The following THADA variants were observed in gnomAD, a reference collection of about 807,000 sequenced individuals.
THADA encodes the protein tRNA (32-2'-O)-methyltransferase regulator THADA.
THADA carries 213 observed loss-of-function variants against 219.8 expected under a neutral mutation model. That is an observed-to-expected ratio of 0.97 (90% CI 0.87 to 1.09). The LOEUF (loss-of-function observed/expected upper bound fraction) is 1.09, where lower values mean the gene tolerates loss of function less well. Among genes scored for constraint, THADA ranks in the 50% least tolerant of loss-of-function variants. THADA has a pLI of 0.00. For missense variants in THADA, 2,956 were observed against 2,311.3 expected, an observed-to-expected ratio of 1.28 and a Z score of -5.72; for synonymous variants, 1,018 against 828.9, an observed-to-expected ratio of 1.23 and a Z score of -3.92.
chr2:43,232,204 A>T (rs564478745), intron 37 of THADA, among the ~76,000 whole-genome samples: 1 of 147,260 alleles, frequency 6.8e-6, no homozygotes, highest in Non-Finnish European at 1.5e-5. Context: ...TTTGAGATGG[A>T]GTCTTGCTCT....
chr2:43,516,686 A>T lies in THADA; in HGVS notation c.3375-7906T>A, dbSNP rs944161405. Among the ~76,000 whole-genome samples, 3 of 152,198 alleles carry T rather than the reference A, an allele frequency of 2.0e-5. No homozygotes were observed. In the East Asian group the frequency reaches 5.8e-4, roughly 29 times the overall value. The stretch of plus-strand genomic sequence containing the variant: ...CGTGGCAGAGGGAGAATTAAAATGT[A>T]TATTGACACCAAAGCCCTTGCCTAA... On this transcript the variant is annotated intron_variant, in intron 22 of 37. Transcript: ENST00000405975.
chr2:43,430,395 T>G, intron 26 of THADA, 93 bp from the exon 27 acceptor site: 1 of 648,648 alleles, frequency 1.5e-6, no homozygotes, highest in South Asian at 2.2e-5. Flanking sequence ...TAAGTACGGT[T>G]GTTTGGATAT....
At chr2:43,318,103 G>A (rs1265351938) in intron 31 of THADA, among the ~76,000 whole-genome samples, 1 of 152,078 alleles carries the variant, frequency 6.6e-6, no homozygotes, top group Non-Finnish European at 1.5e-5. Context: ...GCAATGGCAT[G>A]ATCATAGCTC....
chr2:43,320,916 G>A (rs1678632227), intron 30 of THADA, among the ~76,000 whole-genome samples: 1 of 151,708 alleles, frequency 6.6e-6, no homozygotes, highest in Non-Finnish European at 1.5e-5. Flanking sequence ...GAAATTTGGG[G>A]GAAAAAAAAT....
In THADA at chr2:43,449,388, G is replaced by C. The variant is rs541925340; in HGVS notation, c.3837-19086C>G. On this transcript the variant is annotated intron_variant, in intron 26 of 37. Transcript: ENST00000405975. ...TAGAAGGAGAAGAGAGAGAGAGAAAGAGGTAAAGAGATTATCTAAAGAAAT... is the reference window on the plus strand; with the variant it reads ...TAGAAGGAGAAGAGAGAGAGAGAAACAGGTAAAGAGATTATCTAAAGAAAT... Among the ~76,000 whole-genome samples, 13 of 152,112 alleles carry C rather than the reference G, an allele frequency of 8.5e-5. No individual in the cohort carries two copies. The East Asian group carries it at 2.3e-3, about 27-fold the overall frequency.
chr2:43,297,742 CCCGGCCAGCCGCCCCGT>C (rs1675686493), intron 31 of THADA, among the ~76,000 whole-genome samples: 2 of 126,024 alleles, frequency 1.6e-5, no homozygotes, highest in Non-Finnish European at 3.4e-5. Flanking sequence ...CGGCCCCCCG[CCCGGCCAGCCGCCCCGT>C]CCGGGAGGGA....
At chr2:43,558,569 G>T (rs932363302) in intron 16 of THADA, among the ~76,000 whole-genome samples, 2 of 152,138 alleles carry the variant, frequency 1.3e-5, no homozygotes, top group Non-Finnish European at 2.9e-5. Context: ...GAAGAACATG[G>T]AAAGATTAGA....
Position 43,574,540 on chromosome 2 carries a change from A to G in THADA, c.1525T>C (p.Leu509=), listed in dbSNP as rs752161161. The change falls in exon 11 of 38, where the codon TTG becomes CTG. Residue 509 remains leucine (L), a synonymous_variant. Coordinates refer to ENST00000405975, the MANE Select transcript of THADA (RefSeq NM_022065.5). ...ETMFRNHKSH[L]KSQTAESSWI... ...GAACTCTCAGCAGTCTGGGATTTCA[A>G]ATGACTCTTATGATTTCTAAACATG... is the stretch of plus-strand genomic sequence containing the variant. 7 of 1,614,014 alleles carry G rather than the reference A, an allele frequency of 4.3e-6. No individual in the cohort carries two copies. Among genetic ancestry groups the G allele is most frequent in the South Asian group, 1.1e-5 (1 of 91,080 alleles).
chr2:43,503,129 T>C (rs941718815), intron 24 of THADA, among the ~76,000 whole-genome samples: 3 of 152,146 alleles, frequency 2.0e-5, no homozygotes, highest in African/African-American at 7.2e-5. Flanking sequence ...GGAATATAAA[T>C]TAGTTCAACC....
chr2:43,542,864 AT>A (rs1355780845), intron 20 of THADA, among the ~76,000 whole-genome samples: 1 of 152,030 alleles, frequency 6.6e-6, no homozygotes, highest in African/African-American at 2.4e-5. Context: ...CTTTAATTTA[AT>A]TTAATTTTAT....
intron 28 of THADA, among the ~76,000 whole-genome samples, chr2:43,423,435 C>CTTTT (rs34481568): frequency 2.8e-5 from 4 of 142,192 alleles, no homozygotes; most frequent in Non-Finnish European, 4.6e-5. Context: ...TTCTTTCTTT[C>CTTTT]TTTTTTTTTT....
rs565653918 is a variant in THADA, at chr2:43,509,431, T to C, written c.3375-651A>G. On this transcript the variant is annotated intron_variant, in intron 22 of 37. Coordinates refer to ENST00000405975, the MANE Select transcript of THADA (RefSeq NM_022065.5). Reference sequence around the variant, plus strand: ...TTTAAATGTATGCCCTACTAGACTGTATAACATTGCCCAAGGAATACCAAA... The same window carrying C: ...TTTAAATGTATGCCCTACTAGACTGCATAACATTGCCCAAGGAATACCAAA... Among the ~76,000 whole-genome samples, 3 of 152,360 alleles carry C rather than the reference T, an allele frequency of 2.0e-5. No homozygotes were observed. In the East Asian group the frequency reaches 5.8e-4, roughly 29 times the overall value.
Position 43,291,759 on chromosome 2 carries a change from A to C in THADA, c.4947T>G (p.Ile1649Met). The change falls in exon 34 of 38, where the codon ATT (isoleucine) becomes ATG (methionine). Residue 1649 changes from isoleucine (I) to methionine (M), a missense_variant. Coordinates refer to ENST00000405975, the MANE Select transcript of THADA (RefSeq NM_022065.5). ...MDIASNERSE[I>M]QSVALRLASK... ...AAGCAAGTCTCAGAGCTACACTCTG[A>C]ATTTCAGATCTAGAAAAATAAACAA... is the stretch of plus-strand genomic sequence containing the variant. The C allele has an allele frequency of 6.5e-7, 1 of 1,548,970 alleles. No homozygotes were observed. The highest frequency in any genetic ancestry group is 8.7e-7 in the Non-Finnish European group (1 of 1,144,652).
chr2:43,413,839 C>T (rs1179979418), intron 28 of THADA, among the ~76,000 whole-genome samples: 2 of 152,140 alleles, frequency 1.3e-5, no homozygotes, highest in African/African-American at 2.4e-5. Flanking sequence ...AACAGCAATC[C>T]CATTCAAAAT....
At chr2:43,438,299 C>CAAAAAAAAAAA (rs56108896) in intron 26 of THADA, among the ~76,000 whole-genome samples, 1 of 85,970 alleles carries the variant, frequency 1.2e-5, no homozygotes, top group Admixed American at 1.3e-4. Flanking sequence ...GACTCCATCT[C>CAAAAAAAAAAA]AAAAAAAAAA....
chr2:43,530,087 A>G (rs892437953), intron 21 of THADA, among the ~76,000 whole-genome samples: 3 of 152,224 alleles, frequency 2.0e-5, no homozygotes, highest in Admixed American at 2.0e-4. Flanking sequence ...AGTGATACAC[A>G]TGGAGAAACA....
chr2:43,565,464 G>C (rs981292623), intron 15 of THADA: 12 of 150,560 alleles, frequency 8.0e-5, no homozygotes, highest in African/African-American at 2.7e-4. Flanking sequence ...AATCTAGGTA[G>C]AGCATAAATA....
chr2:43,445,807 G>A (rs1331166187), intron 26 of THADA, among the ~76,000 whole-genome samples: 3 of 152,200 alleles, frequency 2.0e-5, no homozygotes, highest in Admixed American at 6.5e-5. Flanking sequence ...CTAAGTAGCT[G>A]AGACTACAGG....
At chr2:43,485,461 T>C in intron 25 of THADA, 136 bp from the exon 26 acceptor site, 1 of 619,330 alleles carries the variant, frequency 1.6e-6, no homozygotes, top group South Asian at 2.2e-5. Context: ...TTTGTGTTCA[T>C]AAAATAATTT....
Sources: allele counts gnomAD v4.1 joint callset (sites outside exome capture counted in the v4.1 genomes callset), GRCh38; gene constraint gnomAD v4.1.1; transcripts MANE v1.5; gene names NCBI Gene and HGNC (gene_info 2026-07-23, HGNC 2026-07-21).